The following SOS1 variants were observed in gnomAD, a reference collection of about 807,000 sequenced individuals.
SOS1 encodes son of sevenless homolog 1.
Under a neutral mutation model 157.6 loss-of-function variants are expected in SOS1, and 25 were observed. The ratio of observed to expected loss-of-function variants is 0.16; its 90% confidence interval spans 0.12 to 0.22. The LOEUF is 0.22. Ranked by LOEUF, SOS1 falls within the 10% of genes least tolerant of loss-of-function variation. The probability of loss-of-function intolerance (pLI) is 1.00; values close to 1 mark genes in which losing one functional copy is unlikely to be tolerated. For synonymous variants in SOS1, 528 were observed against 534.0 expected, an observed-to-expected ratio of 0.99 and a Z score of 0.16; for missense variants, 1,237 against 1,599.1, an observed-to-expected ratio of 0.77 and a Z score of 3.86.
At chr2:39,056,362 A>C (rs1671211335) in intron 4 of SOS1, among the ~76,000 whole-genome samples, 1 of 152,158 alleles carries the variant, frequency 6.6e-6, no homozygotes, top group Admixed American at 6.5e-5. Flanking sequence ...GGTTGCAGTG[A>C]GCCAAGACTG....
chr2:39,090,274 C>A (rs1339029794), intron 1 of SOS1, among the ~76,000 whole-genome samples: 1 of 152,226 alleles, frequency 6.6e-6, no homozygotes, highest in East Asian at 1.9e-4. Context: ...TTTTAATATG[C>A]CAATCCAGAG....
In SOS1 at chr2:39,029,271, G is replaced by C. The variant is rs114006450; in HGVS notation, c.1075-5134C>G. Reference sequence around the variant, plus strand: ...ACATATCTTTTAAAACCACCTCTCTGTTCTAATCAGAGAAAACATCACTAA... The same window carrying C: ...ACATATCTTTTAAAACCACCTCTCTCTTCTAATCAGAGAAAACATCACTAA... On this transcript the variant is annotated intron_variant, in intron 8 of 22. Transcript: ENST00000402219. Among the ~76,000 whole-genome samples the C allele has an allele frequency of 2.7e-3, 412 of 152,264 alleles. 2 individuals are homozygous for C. The highest frequency in any genetic ancestry group is 9.5e-3 in the African/African-American group (395 of 41,534).
chr2:39,110,857 T>C lies in SOS1; in HGVS notation c.87+9479A>G, dbSNP rs141661679. ...GGCTCACACCTATAACCCCAGCACT[T>C]TGGGAGGCTGAAGCGGGTAGATCAC... is the stretch of plus-strand genomic sequence containing the variant. On this transcript the variant is annotated intron_variant, in intron 1 of 22. Transcript: ENST00000402219. Among the ~76,000 whole-genome samples the C allele has an allele frequency of 5.3e-3, 809 of 152,328 alleles. 4 individuals are homozygous for C. The highest frequency in any genetic ancestry group is 8.5e-3 in the Non-Finnish European group (577 of 68,022).
chr2:38,998,241 T>C (rs1668964979), intron 17 of SOS1, among the ~76,000 whole-genome samples: 1 of 151,788 alleles, frequency 6.6e-6, no homozygotes, highest in African/African-American at 2.4e-5. Flanking sequence ...TTATTTTTTT[T>C]TTTATATTTT....
intron 1 of SOS1, among the ~76,000 whole-genome samples, chr2:39,090,050 G>A (rs1572884983): frequency 6.7e-6 from 1 of 149,042 alleles, no homozygotes; most frequent in Middle Eastern, 3.5e-3. Context: ...TGAGGCCAGA[G>A]AATCACTTAA....
chr2:38,989,849 A>G (rs1013925037), intron 20 of SOS1, among the ~76,000 whole-genome samples: 2 of 151,930 alleles, frequency 1.3e-5, no homozygotes, highest in South Asian at 2.1e-4. Context: ...AGTCATAAAC[A>G]TTTTTTTTAA....
intron 17 of SOS1, among the ~76,000 whole-genome samples, chr2:39,004,344 T>C (rs1190112074): frequency 7.2e-6 from 1 of 139,594 alleles, no homozygotes. Context: ...GCGTGAACCT[T>C]GCAGTGAGCC....
chr2:39,017,817 G>A (rs1669675360), intron 10 of SOS1, among the ~76,000 whole-genome samples: 1 of 151,848 alleles, frequency 6.6e-6, no homozygotes, highest in Non-Finnish European at 1.5e-5. Flanking sequence ...AAAAATTCCA[G>A]ACATTATTTT....
chr2:39,105,993 A>C (rs1673162015), intron 1 of SOS1, among the ~76,000 whole-genome samples: 1 of 151,436 alleles, frequency 6.6e-6, no homozygotes, highest in African/African-American at 2.4e-5. Flanking sequence ...CAGGCGGGTG[A>C]ATCTCCTGAG....
At chr2:39,073,095 G>T (rs946419587) in intron 1 of SOS1, among the ~76,000 whole-genome samples, 2 of 152,148 alleles carry the variant, frequency 1.3e-5, no homozygotes, top group African/African-American at 4.8e-5. Context: ...CAGCCAAAGT[G>T]CTCCATTCCA....
At chr2:39,029,513 A>T (rs1207088778) in intron 8 of SOS1, among the ~76,000 whole-genome samples, 1 of 152,022 alleles carries the variant, frequency 6.6e-6, no homozygotes, top group East Asian at 1.9e-4. Flanking sequence ...AGTCCCAGCT[A>T]CTCAGGAGGC....
intron 8 of SOS1, among the ~76,000 whole-genome samples, chr2:39,027,773 T>G (rs1410847851): frequency 6.6e-6 from 1 of 152,156 alleles, no homozygotes; most frequent in African/African-American, 2.4e-5. Flanking sequence ...TACTAAATCC[T>G]GAGATTATAT....
At chr2:39,076,365 C>A (rs762522755) in intron 1 of SOS1, among the ~76,000 whole-genome samples, 5 of 151,754 alleles carry the variant, frequency 3.3e-5, no homozygotes, top group Non-Finnish European at 7.4e-5. Context: ...AACCACTGCA[C>A]TCCAGCCTGG....
At chr2:39,106,087 G>C (rs1279864466) in intron 1 of SOS1, among the ~76,000 whole-genome samples, 7 of 151,824 alleles carry the variant, frequency 4.6e-5, no homozygotes, top group African/African-American at 1.7e-4. Flanking sequence ...GCGCATGGTG[G>C]TACGTGCCTG....
chr2:39,061,486 C>T (rs564861624), intron 2 of SOS1, among the ~76,000 whole-genome samples: 2 of 152,204 alleles, frequency 1.3e-5, no homozygotes, highest in South Asian at 4.1e-4. Flanking sequence ...CTCCTGGGCT[C>T]AAGTGATCTC....
chr2:39,085,286 G>A (rs1330307458), intron 1 of SOS1, among the ~76,000 whole-genome samples: 5 of 152,196 alleles, frequency 3.3e-5, no homozygotes, highest in South Asian at 2.1e-4. Context: ...GGGCTCAAGC[G>A]ATCCTCCTGC....
intron 6 of SOS1, among the ~76,000 whole-genome samples, chr2:39,046,313 C>T (rs955433306): frequency 6.6e-6 from 1 of 151,828 alleles, no homozygotes; most frequent in African/African-American, 2.4e-5. Context: ...TCAAGTTATT[C>T]TTCTATCACA....
At chr2:39,112,244 A>T (rs927980093) in intron 1 of SOS1, among the ~76,000 whole-genome samples, 2 of 152,154 alleles carry the variant, frequency 1.3e-5, no homozygotes, top group Non-Finnish European at 2.9e-5. Flanking sequence ...TGAACAGATA[A>T]GCGCTATTGG....
intron 1 of SOS1, among the ~76,000 whole-genome samples, chr2:39,111,997 A>C (rs1558519291): frequency 1.3e-5 from 2 of 151,058 alleles, no homozygotes; most frequent in Admixed American, 6.6e-5. Flanking sequence ...CTATCTCTGG[A>C]ATCTTAAAAC....
Sources: gnomAD v4.1 joint callset for allele counts (sites outside exome capture counted in the v4.1 genomes callset) on GRCh38, gnomAD v4.1.1 for gene constraint, MANE v1.5 for transcripts, NCBI Gene and HGNC (gene_info 2026-07-23, HGNC 2026-07-21) for gene names.